DOK6: variants seen among roughly 807,000 people sequenced by gnomAD.
DOK6 encodes downstream of tyrosine kinase 6.
DOK6 carries 22 observed loss-of-function variants against 44.0 expected under a neutral mutation model. That is an observed-to-expected ratio of 0.50 (90% confidence interval 0.36 to 0.71). DOK6 has a LOEUF of 0.71. Among genes scored for constraint, DOK6 ranks in the 30% least tolerant of loss-of-function variants. DOK6 has a pLI of 0.00. For synonymous variants in DOK6, 166 were observed against 145.5 expected, an observed-to-expected ratio of 1.14 and a Z score of -1.01; for missense variants, 340 against 416.4, an observed-to-expected ratio of 0.82 and a Z score of 1.60.
chr18:69,803,864 A>C (rs993556557), intron 7 of DOK6, among the ~76,000 whole-genome samples: 2 of 150,806 alleles, frequency 1.3e-5, no homozygotes, highest in Non-Finnish European at 2.9e-5. Context: ...TCTCAAAAAA[A>C]TATATATATA....
At chr18:69,425,564 T>A (rs1978614553) in intron 1 of DOK6, among the ~76,000 whole-genome samples, 1 of 152,084 alleles carries the variant, frequency 6.6e-6, no homozygotes, top group Non-Finnish European at 1.5e-5. Context: ...GAAATTTGAA[T>A]GTATTATAAA....
chr18:69,835,381 C>T (rs903051253), intron 7 of DOK6, among the ~76,000 whole-genome samples: 2 of 151,970 alleles, frequency 1.3e-5, no homozygotes, highest in African/African-American at 2.4e-5. Context: ...AGGAGAATGG[C>T]GTGAACCCGG....
intron 2 of DOK6, among the ~76,000 whole-genome samples, chr18:69,596,724 A>T (rs529898515): frequency 6.6e-6 from 1 of 152,320 alleles, no homozygotes; most frequent in African/African-American, 2.4e-5. Flanking sequence ...TCCCAGTCCA[A>T]CCGTAACAAA....
intron 5 of DOK6, among the ~76,000 whole-genome samples, chr18:69,730,923 C>G (rs954810589): frequency 4.0e-5 from 6 of 151,726 alleles, no homozygotes; most frequent in Non-Finnish European, 5.9e-5. Context: ...CAAGAGAAAC[C>G]CTAGCTCTAC....
chr18:69,650,539 T>C (rs1322523715), intron 3 of DOK6, among the ~76,000 whole-genome samples: 1 of 152,202 alleles, frequency 6.6e-6, no homozygotes, highest in Non-Finnish European at 1.5e-5. Flanking sequence ...TTTCCTCAAG[T>C]TTAATTATGT....
intron 3 of DOK6, among the ~76,000 whole-genome samples, chr18:69,655,784 C>CAAAAAAAAAAAAAAAAAAAAAAAAAAAA (rs1568323751): frequency 2.2e-5 from 1 of 46,044 alleles, no homozygotes; most frequent in Non-Finnish European, 4.3e-5. Flanking sequence ...AAAAAAAAAA[C>CAAAAAAAAAAAAAAAAAAAAAAAAAAAA]AAAAGAACAA....
intron 3 of DOK6, among the ~76,000 whole-genome samples, chr18:69,633,085 A>G (rs1005166661): frequency 1.3e-5 from 2 of 152,186 alleles, no homozygotes; most frequent in East Asian, 1.9e-4. Context: ...TCATTTATGT[A>G]TCTATGGCTT....
At chr18:69,837,230 T>C (rs1982079477) in intron 7 of DOK6, among the ~76,000 whole-genome samples, 1 of 152,014 alleles carries the variant, frequency 6.6e-6, no homozygotes, top group South Asian at 2.1e-4. Context: ...GACCGGGAAG[T>C]CCAATATTGA....
chr18:69,583,571 G>A (rs536994125), intron 2 of DOK6, among the ~76,000 whole-genome samples: 7 of 152,094 alleles, frequency 4.6e-5, no homozygotes, highest in African/African-American at 1.7e-4. Context: ...TTCACGGGTT[G>A]AGCTGCTGTA....
intron 5 of DOK6, among the ~76,000 whole-genome samples, chr18:69,730,923 C>T (rs954810589): frequency 6.6e-6 from 1 of 151,726 alleles, no homozygotes; most frequent in East Asian, 1.9e-4. Context: ...CAAGAGAAAC[C>T]CTAGCTCTAC....
At chr18:69,510,568 A>C (rs183200567) in intron 1 of DOK6, among the ~76,000 whole-genome samples, 112 of 152,304 alleles carry the variant, frequency 7.4e-4, no homozygotes, top group African/African-American at 2.3e-3. Context: ...TGATTTTATG[A>C]ATGGCCATTA....
At chr18:69,421,225 C>G (rs1231133408) in intron 1 of DOK6, among the ~76,000 whole-genome samples, 1 of 152,150 alleles carries the variant, frequency 6.6e-6, no homozygotes, top group Non-Finnish European at 1.5e-5. Flanking sequence ...GATTTTATGA[C>G]TTAGCTGGAG....
chr18:69,548,078 C>T (rs1033256579), intron 1 of DOK6, among the ~76,000 whole-genome samples: 8 of 150,610 alleles, frequency 5.3e-5, no homozygotes, highest in African/African-American at 1.5e-4. Flanking sequence ...CTCAGCCTCC[C>T]GAGTAGCTGG....
intron 3 of DOK6, among the ~76,000 whole-genome samples, chr18:69,608,721 G>A (rs1250289281): frequency 6.6e-6 from 1 of 151,888 alleles, no homozygotes; most frequent in Non-Finnish European, 1.5e-5. Context: ...GGAGGCCGAG[G>A]CGGGTGGATC....
chr18:69,579,963 C>G (rs1383538091), intron 2 of DOK6, among the ~76,000 whole-genome samples: 3 of 152,124 alleles, frequency 2.0e-5, no homozygotes, highest in Non-Finnish European at 4.4e-5. Context: ...GTTCCATCTT[C>G]CAAGCAAACT....
At chr18:69,638,480 T>C (rs967169113) in intron 3 of DOK6, among the ~76,000 whole-genome samples, 12 of 82,090 alleles carry the variant, frequency 1.5e-4, no homozygotes, top group South Asian at 7.3e-4. Flanking sequence ...GATTTGGGTA[T>C]ACTTATTCTT....
chr18:69,737,350 A>T (rs574414704), intron 5 of DOK6, among the ~76,000 whole-genome samples: 1 of 152,262 alleles, frequency 6.6e-6, no homozygotes, highest in East Asian at 1.9e-4. Flanking sequence ...ACTTCCAAAC[A>T]CTTAAAAACC....
intron 1 of DOK6, among the ~76,000 whole-genome samples, chr18:69,445,331 T>G (rs772256637): frequency 4.6e-5 from 7 of 152,248 alleles, no homozygotes; most frequent in Non-Finnish European, 1.0e-4. Flanking sequence ...CAACATTGAA[T>G]AGTCCTGGCT....
intron 7 of DOK6, among the ~76,000 whole-genome samples, chr18:69,822,223 G>A (rs910661699): frequency 8.5e-5 from 13 of 152,262 alleles, no homozygotes; most frequent in East Asian, 1.9e-4. Context: ...CACCTTTAGC[G>A]TGGGAATTGT....
Sources: gnomAD v4.1 joint callset for allele counts (sites outside exome capture counted in the v4.1 genomes callset) on GRCh38, gnomAD v4.1.1 for gene constraint, MANE v1.5 for transcripts, NCBI Gene and HGNC (gene_info 2026-07-23, HGNC 2026-07-21) for gene names.